Variants in GRIK3 observed in about 807,000 individuals in gnomAD.
GRIK3 encodes glutamate receptor ionotropic, kainate 3.
GRIK3 carries 29 observed loss-of-function variants against 102.5 expected under a neutral mutation model. The observed-to-expected ratio is 0.28, with a 90% CI of 0.21 to 0.39. The LOEUF is 0.39. Among genes scored for constraint, GRIK3 ranks in the 10% least tolerant of loss-of-function variants. GRIK3 has a pLI of 1.00. For missense variants in GRIK3, 908 were observed against 1,252.4 expected, an observed-to-expected ratio of 0.73 and a Z score of 4.15; for synonymous variants, 511 against 504.9, an observed-to-expected ratio of 1.01 and a Z score of -0.16.
chr1:36,886,716 C>T (rs1371685941), intron 2 of GRIK3, among the ~76,000 whole-genome samples: 1 of 152,188 alleles, frequency 6.6e-6, no homozygotes, highest in African/African-American at 2.4e-5. Flanking sequence ...TGAATTTTCA[C>T]ATATAATTTC....
chr1:37,021,955 T>A (rs949639432), intron 1 of GRIK3, among the ~76,000 whole-genome samples: 4 of 152,228 alleles, frequency 2.6e-5, no homozygotes, highest in Non-Finnish European at 5.9e-5. Flanking sequence ...TGAGCCCCAG[T>A]TTGAGAAGTC....
Position 36,871,670 on chromosome 1 carries a change from C to G in GRIK3, c.732+518G>C, listed in dbSNP as rs560316101. On this transcript the variant is annotated intron_variant, in intron 4 of 15. Transcript: ENST00000373091. ...CAGGACTGAGAGCCATTCTCCTCCC[C>G]CTCTGTCACTGCAGAGCTGAGCAGA... Among the ~76,000 whole-genome samples, 363 of 152,324 alleles carry G rather than the reference C, an allele frequency of 2.4e-3. 2 individuals are homozygous for G. The highest frequency in any genetic ancestry group is 4.2e-3 in the Non-Finnish European group (283 of 68,034).
chr1:36,857,518 C>T (rs375717797), intron 7 of GRIK3, among the ~76,000 whole-genome samples: 1 of 152,174 alleles, frequency 6.6e-6, no homozygotes, highest in Non-Finnish European at 1.5e-5. Context: ...TCCAGTCAGG[C>T]ACTGAATTCA....
chr1:36,936,133 C>T (rs974810763), intron 1 of GRIK3, among the ~76,000 whole-genome samples: 1 of 152,136 alleles, frequency 6.6e-6, no homozygotes. Flanking sequence ...GAGCATCATC[C>T]TCAGACTGAA....
intron 9 of GRIK3, among the ~76,000 whole-genome samples, chr1:36,842,140 G>A (rs995594657): frequency 1.3e-5 from 2 of 152,170 alleles, no homozygotes; most frequent in Non-Finnish European, 2.9e-5. Flanking sequence ...TGGCTACCTG[G>A]TACAGGGCGG....
In GRIK3 at chr1:36,990,103, C is replaced by A. The variant is rs1264738185; in HGVS notation, c.115+43891G>T. On this transcript the variant is annotated intron_variant, in intron 1 of 15. Coordinates refer to ENST00000373091, the MANE Select transcript of GRIK3 (RefSeq NM_000831.4). The stretch of plus-strand genomic sequence containing the variant: ...CTGGACAAGGACCTCCTGCTTCATG[C>A]CCCTGAAGCAGGCCGTCCTGACCAC... Among the ~76,000 whole-genome samples the A allele has an allele frequency of 8.5e-5, 13 of 152,226 alleles. No individual in the cohort carries two copies. In the East Asian group the frequency reaches 2.5e-3, roughly 30 times the overall value.
chr1:36,965,404 C>T (rs969965367), intron 1 of GRIK3, among the ~76,000 whole-genome samples: 1 of 152,138 alleles, frequency 6.6e-6, no homozygotes, highest in African/African-American at 2.4e-5. Context: ...AGGCCACACT[C>T]GCCAGCGAAC....
At chr1:36,962,720 A>T (rs1192379299) in intron 1 of GRIK3, among the ~76,000 whole-genome samples, 1 of 151,826 alleles carries the variant, frequency 6.6e-6, no homozygotes, top group Admixed American at 6.6e-5. Context: ...AGGCAAAGAG[A>T]GGGACCAAGC....
intron 10 of GRIK3, 82 bp downstream of exon 10, chr1:36,841,654 C>G: frequency 8.2e-7 from 1 of 1,219,250 alleles, no homozygotes; most frequent in South Asian, 1.2e-5. Context: ...TTCTGCCAGG[C>G]TGCCCAGCCC....
intron 1 of GRIK3, among the ~76,000 whole-genome samples, chr1:37,016,678 C>T (rs773088657): frequency 6.6e-6 from 1 of 151,664 alleles, no homozygotes. Flanking sequence ...GGCCCTGGAA[C>T]AGGAAATGAC....
intron 10 of GRIK3, among the ~76,000 whole-genome samples, chr1:36,832,152 T>A (rs572714807): frequency 3.9e-5 from 6 of 152,332 alleles, no homozygotes; most frequent in African/African-American, 1.4e-4. Flanking sequence ...TTTAGAGGCA[T>A]TGGCCGATTC....
intron 8 of GRIK3, among the ~76,000 whole-genome samples, chr1:36,851,356 G>C (rs532889056): frequency 6.6e-6 from 1 of 152,376 alleles, no homozygotes; most frequent in South Asian, 2.1e-4. Context: ...GAGAGGCAGA[G>C]TAGCTGTGTT....
chr1:36,845,520 T>C (rs761959555), intron 9 of GRIK3, among the ~76,000 whole-genome samples: 3 of 151,754 alleles, frequency 2.0e-5, no homozygotes, highest in Non-Finnish European at 4.4e-5. Flanking sequence ...GAAGAGGGAG[T>C]CTTGGGGGTT....
Position 36,880,591 on chromosome 1 carries a change from C to A in GRIK3, c.550+43G>T, listed in dbSNP as rs1421630667. On this transcript the variant is annotated intron_variant, in intron 3 of 15. Transcript: ENST00000373091. This position sits in a 1 kb window ranked among gnomAD's most constrained non-coding sequence, Gnocchi z 5.4. Reference sequence around the variant, plus strand: ...AGAGCTTGATCCTGGGCCTCTGCCCCCCTCAACCGTTGCCCCCAGCCTAGC... The same window carrying A: ...AGAGCTTGATCCTGGGCCTCTGCCCACCTCAACCGTTGCCCCCAGCCTAGC... The A allele has an allele frequency of 6.3e-7, 1 of 1,595,312 alleles. No individual in the cohort carries two copies. The highest frequency in any genetic ancestry group is 8.6e-7 in the Non-Finnish European group (1 of 1,164,416).
At chr1:36,969,083 A>T (rs1046340207) in intron 1 of GRIK3, among the ~76,000 whole-genome samples, 2 of 152,230 alleles carry the variant, frequency 1.3e-5, no homozygotes, top group Non-Finnish European at 2.9e-5. Flanking sequence ...CTCCCAAGAC[A>T]AAGCAACCCT....
chr1:36,972,807 A>G (rs924615739), intron 1 of GRIK3, among the ~76,000 whole-genome samples: 1 of 152,226 alleles, frequency 6.6e-6, no homozygotes, highest in Admixed American at 6.5e-5. Context: ...AGCTGGGAGC[A>G]GAAGTCGGCC....
intron 10 of GRIK3, among the ~76,000 whole-genome samples, chr1:36,830,065 C>G (rs1642798856): frequency 6.6e-6 from 1 of 152,242 alleles, no homozygotes; most frequent in Admixed American, 6.5e-5. Context: ...ATAGTTCCCA[C>G]CAGCTTCCTC....
At chr1:36,933,330 T>G (rs930187237) in intron 1 of GRIK3, among the ~76,000 whole-genome samples, 1 of 152,104 alleles carries the variant, frequency 6.6e-6, no homozygotes, top group Admixed American at 6.5e-5. Flanking sequence ...CGTGAAGGTG[T>G]TTTCATCAAG....
intron 5 of GRIK3, among the ~76,000 whole-genome samples, chr1:36,868,533 G>A (rs545454151): frequency 3.9e-5 from 6 of 152,300 alleles, no homozygotes; most frequent in East Asian, 3.9e-4. Flanking sequence ...TGGGGGAGGC[G>A]GCTCTTATTT....
Sources: allele counts gnomAD v4.1 joint callset (sites outside exome capture counted in the v4.1 genomes callset), GRCh38; gene constraint gnomAD v4.1.1; non-coding constraint Gnocchi (gnomAD v3.1); transcripts MANE v1.5; gene names NCBI Gene and HGNC (gene_info 2026-07-23, HGNC 2026-07-21).